Variants in DUSP18 observed in about 807,000 individuals in gnomAD.
The protein encoded by DUSP18 is dual specificity protein phosphatase 18.
In DUSP18, 4 loss-of-function variants were observed where a neutral mutation model predicts 6.3. That is an observed-to-expected ratio of 0.63 (90% CI 0.31 to 1.45). DUSP18 has a LOEUF of 1.45. DUSP18 is among the 40% of genes most tolerant of loss of function. The pLI is 0.07. For missense variants in DUSP18, 235 were observed against 247.7 expected, an observed-to-expected ratio of 0.95 and a Z score of 0.34; for synonymous variants, 96 against 95.1, an observed-to-expected ratio of 1.01 and a Z score of -0.05.
downstream of DUSP18, among the ~76,000 whole-genome samples, chr22:30,657,330 G>C (rs1174879581): frequency 6.6e-6 from 1 of 151,264 alleles, no homozygotes; most frequent in East Asian, 1.9e-4. Context: ...GTGGGGGCGG[G>C]CACCTGTAAT....
At chr22:30,660,396 C>T (rs1039659271), downstream of DUSP18, among the ~76,000 whole-genome samples, 3 of 152,134 alleles carry the variant, frequency 2.0e-5, no homozygotes, top group African/African-American at 7.2e-5. Flanking sequence ...CTTGACCTCC[C>T]TCCTGGGCTC....
chr22:30,654,710 C>T (rs1405795591), intron 2 of DUSP18: 19 of 374,842 alleles, frequency 5.1e-5, no homozygotes, highest in East Asian at 1.5e-4. Context: ...CTGATGCCCC[C>T]GCAGTGTACG....
chr22:30,666,496 C>T (rs1042382184), intron 1 of DUSP18, among the ~76,000 whole-genome samples: 3 of 151,970 alleles, frequency 2.0e-5, no homozygotes, highest in Admixed American at 1.3e-4. Context: ...GTGGCATGGG[C>T]CTGTAGTCCC....
intron 1 of DUSP18, 86 bp downstream of exon 1, chr22:30,667,375 AG>A (rs1351244058): frequency 6.6e-6 from 1 of 152,242 alleles, no homozygotes; most frequent in African/African-American, 2.4e-5. Flanking sequence ...CATCACTTCT[AG>A]GGGTGGGCCG....
chr22:30,665,616 C>G (rs866596988), intron 1 of DUSP18: 7 of 461,492 alleles, frequency 1.5e-5, no homozygotes, highest in Non-Finnish European at 2.7e-5. Context: ...GTTTGACCAA[C>G]TCTGCTCCAG....
In DUSP18 at chr22:30,663,615, G is replaced by A. The variant is rs935279660; in HGVS notation, c.389C>T (p.Ala130Val). The change falls in exon 2 of 2, where the codon GCC becomes GTC. Residue 130 changes from alanine (A) to valine (V), a missense_variant. By Grantham distance (64) the Ala-to-Val change is moderately conservative (BLOSUM62 0). Coordinates refer to ENST00000334679, the MANE Select transcript of DUSP18 (RefSeq NM_152511.5). Reference sequence around the variant, plus strand: ...CCGGCATGACTTGGTCCACGTGTGGGCGTCCAGCAGGGACATGGCGTGGTA... The same window carrying A: ...CCGGCATGACTTGGTCCACGTGTGGACGTCCAGCAGGGACATGGCGTGGTA... ...MKYHAMSLLD[A>V]HTWTKSCRPI... 2.5e-6 allele frequency: 4 copies of A among 1,614,240 alleles called. No homozygotes were observed. The highest frequency in any genetic ancestry group is 3.4e-6 in the Non-Finnish European group (4 of 1,180,052).
At chr22:30,653,034 T>G (rs1037959075) in intron 2 of DUSP18, among the ~76,000 whole-genome samples, 7 of 152,194 alleles carry the variant, frequency 4.6e-5, no homozygotes, top group African/African-American at 1.4e-4. Context: ...CTGGGAGTAT[T>G]CTGTTCTGGG....
chr22:30,667,672 CCT>C lies in DUSP18; in HGVS notation c.-290_-289del, dbSNP rs965812561. 1 of 152,988 alleles carries C rather than the reference CCT, an allele frequency of 6.5e-6. No individual in the cohort carries two copies. The highest frequency in any genetic ancestry group is 2.4e-5 in the African/African-American group (1 of 41,598). The allele number at this position is 152,988 out of a possible 1,614,324, so 9.5% of individuals were successfully genotyped here. On this transcript the variant is annotated 5_prime_UTR_variant, in exon 1 of 2. Transcript: ENST00000334679. Reference sequence around the variant, plus strand: ...GAAATCCTGGCCTCGGCTCCACGCCCCTGAGCAGCCCCACCCTGGCTCAACCT... The same window carrying C: ...GAAATCCTGGCCTCGGCTCCACGCCCGAGCAGCCCCACCCTGGCTCAACCT...
At chr22:30,660,841 A>AT (rs201034099), downstream of DUSP18, among the ~76,000 whole-genome samples, 9,761 of 144,238 alleles carry the variant, frequency 0.068, 446 homozygotes, top group East Asian at 0.24. Context: ...GCATAGAACA[A>AT]TTTTTTTTTT....
chr22:30,659,177 T>C (rs960329401), downstream of DUSP18, among the ~76,000 whole-genome samples: 1 of 140,342 alleles, frequency 7.1e-6, no homozygotes, highest in Admixed American at 7.1e-5. Context: ...GGAACTACAA[T>C]AGCCCACAGG....
In DUSP18 at chr22:30,661,689, T is replaced by C. The variant is rs1055280041; in HGVS notation, c.*1748A>G. 6.6e-6 allele frequency: 1 copy of C among 152,230 alleles called. No individual in the cohort carries two copies. The highest frequency in any genetic ancestry group is 1.5e-5 in the Non-Finnish European group (1 of 68,038). The allele number at this position is 152,230 out of a possible 1,614,324, so 9.4% of individuals were successfully genotyped here. Reference sequence around the variant, plus strand: ...GCAGCTGTGCTTTTGTTTCAAATGCTGTTTGCTGAAAACCTCTGGATCAGA... The same window carrying C: ...GCAGCTGTGCTTTTGTTTCAAATGCCGTTTGCTGAAAACCTCTGGATCAGA... On this transcript the variant is annotated 3_prime_UTR_variant, in exon 2 of 2. Coordinates refer to ENST00000334679, the MANE Select transcript of DUSP18 (RefSeq NM_152511.5).
At chr22:30,657,690 G>A (rs916356902), downstream of DUSP18, among the ~76,000 whole-genome samples, 1 of 151,478 alleles carries the variant, frequency 6.6e-6, no homozygotes, top group African/African-American at 2.4e-5. Flanking sequence ...GGATCACGAG[G>A]TCAGGAGATC....
chr22:30,654,600 G>C, intron 2 of DUSP18: 1 of 465,328 alleles, frequency 2.1e-6, no homozygotes, highest in Non-Finnish European at 4.3e-6. Flanking sequence ...AAGTGGTGGG[G>C]GCCCAGAAGT....
At chr22:30,658,514 G>A (rs1409422951), downstream of DUSP18, among the ~76,000 whole-genome samples, 1 of 151,846 alleles carries the variant, frequency 6.6e-6, no homozygotes, top group African/African-American at 2.4e-5. Context: ...GGGAATCTCC[G>A]TTGCCTTTTT....
chr22:30,656,221 C>T (rs1025891955), intron 2 of DUSP18, among the ~76,000 whole-genome samples: 1 of 152,004 alleles, frequency 6.6e-6, no homozygotes, highest in Non-Finnish European at 1.5e-5. Flanking sequence ...AAGTGATCCT[C>T]CTGCCTCAGC....
chr22:30,667,089 A>T (rs1196007269), intron 1 of DUSP18: 1 of 152,184 alleles, frequency 6.6e-6, no homozygotes, highest in Non-Finnish European at 1.5e-5. Flanking sequence ...GTTCAGCTTC[A>T]CCACTTTACA....
At position 30,664,065 on chromosome 22, in the gene DUSP18, CT is replaced by C. The variant is rs2088569181; in HGVS notation, c.-63del. 5 of 1,482,754 alleles carry C rather than the reference CT, an allele frequency of 3.4e-6. No individual in the cohort carries two copies. The highest frequency in any genetic ancestry group is 3.7e-6 in the Non-Finnish European group (4 of 1,092,252). The allele number at this position is 1,482,754 out of a possible 1,614,324, so 91.8% of individuals were successfully genotyped here. A position where few individuals can be genotyped will look rare whatever the true frequency, so the allele number is the denominator to read the frequency against. Reference sequence around the variant, plus strand: ...ACGAAGGCTGCGTCTTTCTGCTAGGCTGTGTCCATGGAAAACTGCAGAGAGG... The same window carrying C: ...ACGAAGGCTGCGTCTTTCTGCTAGGCGTGTCCATGGAAAACTGCAGAGAGG... On this transcript the variant is annotated 5_prime_UTR_variant, in exon 2 of 2. It removes the in-frame stop codon of an upstream open reading frame in the 5' UTR. Coordinates refer to ENST00000334679, the MANE Select transcript of DUSP18 (RefSeq NM_152511.5).
chr22:30,665,605 C>G (rs1352343706), intron 1 of DUSP18: 3 of 465,892 alleles, frequency 6.4e-6, no homozygotes, highest in Non-Finnish European at 8.9e-6. Context: ...CCCTCCCTCA[C>G]GTTTGACCAA....
Position 30,664,042 on chromosome 22 carries a change from G to A in DUSP18, c.-39C>T, listed in dbSNP as rs1005887. 151 of 1,560,356 alleles carry A rather than the reference G, an allele frequency of 9.7e-5. No homozygotes were observed. Among genetic ancestry groups the A allele is most frequent in the Admixed American group, 5.1e-4 (28 of 54,428 alleles). On this transcript the variant is annotated 5_prime_UTR_variant, in exon 2 of 2. Coordinates refer to ENST00000334679, the MANE Select transcript of DUSP18 (RefSeq NM_152511.5). ...CAGTGGTCAGCAGTCAGCGAAGCAC[G>A]AAGGCTGCGTCTTTCTGCTAGGCTG...
Sources: gnomAD v4.1 joint callset for allele counts (sites outside exome capture counted in the v4.1 genomes callset) on GRCh38, gnomAD v4.1.1 for gene constraint, MANE v1.5 for transcripts, NCBI Gene and HGNC (gene_info 2026-07-23, HGNC 2026-07-21) for gene names.